HSPD1: variants seen among roughly 807,000 people sequenced by gnomAD.
HSPD1 encodes the protein 60 kDa heat shock protein, mitochondrial.
HSPD1 carries 3 observed loss-of-function variants against 53.0 expected under a neutral mutation model. The observed-to-expected ratio is 0.06, with a 90% CI of 0.03 to 0.15. The LOEUF (loss-of-function observed/expected upper bound fraction) is 0.15. Among genes scored for constraint, HSPD1 ranks in the 10% least tolerant of loss-of-function variants. HSPD1 has a pLI of 1.00. For synonymous variants in HSPD1, 200 were observed against 228.0 expected, an observed-to-expected ratio of 0.88 and a Z score of 1.10; for missense variants, 431 against 694.1, an observed-to-expected ratio of 0.62 and a Z score of 4.26.
intron 7 of HSPD1, among the ~76,000 whole-genome samples, chr2:197,492,052 G>A (rs1201271369): frequency 6.6e-6 from 1 of 152,236 alleles, no homozygotes; most frequent in African/African-American, 2.4e-5. Context: ...AGCTACTTGG[G>A]AGGCTGAGGC....
At chr2:197,487,725 G>A (rs866675618) in intron 11 of HSPD1, 133 bp downstream of exon 11, 1 of 716,110 alleles carries the variant, frequency 1.4e-6, no homozygotes, top group East Asian at 2.7e-5. Flanking sequence ...AATTGTTGAT[G>A]GGCACAAGAG....
chr2:197,500,255 A>G (rs1240788282), upstream of HSPD1: 4 of 752,484 alleles, frequency 5.3e-6, no homozygotes, highest in Non-Finnish European at 8.9e-6. Flanking sequence ...CTTGGGGCGA[A>G]TCGCGGTGCG....
chr2:197,498,619 G>C (rs966202262), intron 2 of HSPD1, 56 bp downstream of exon 2: 1 of 1,457,256 alleles, frequency 6.9e-7, no homozygotes, highest in African/African-American at 1.4e-5. Flanking sequence ...GCGACTATTT[G>C]TGAGTAAAAT....
chr2:197,493,558 G>T (rs921126569), intron 6 of HSPD1, 66 bp from the exon 7 acceptor site: 1 of 1,204,220 alleles, frequency 8.3e-7, no homozygotes, highest in Non-Finnish European at 1.2e-6. Flanking sequence ...AATGAAAAGC[G>T]AAACCAAGGT....
At chr2:197,499,014 T>C (rs1289945763) in intron 1 of HSPD1, 164 bp from the exon 2 acceptor site, 7 of 718,922 alleles carry the variant, frequency 9.7e-6, no homozygotes, top group South Asian at 9.6e-5. Flanking sequence ...CTTCGGAACA[T>C]CAGCCACTAG....
Position 197,498,577 on chromosome 2 carries a change from A to C in HSPD1, c.174+98T>G, listed in dbSNP as rs1235822438. The C allele has an allele frequency of 2.8e-6, 3 of 1,075,378 alleles. No individual in the cohort carries two copies. In the African/African-American group the frequency reaches 4.8e-5, roughly 17 times the overall value. The allele number at this position is 1,075,378 out of a possible 1,614,324, so 66.6% of individuals were successfully genotyped here. On this transcript the variant is annotated intron_variant, in intron 2 of 11. Coordinates refer to ENST00000388968, the MANE Select transcript of HSPD1 (RefSeq NM_002156.5). ...ACATGTAAACTGAGTTCTCTCAAAA[A>C]TGGAGATGAAAGTACTGTTGAATAG... is the stretch of plus-strand genomic sequence containing the variant.
At chr2:197,492,108 G>C (rs1424885590) in intron 7 of HSPD1, among the ~76,000 whole-genome samples, 2 of 152,242 alleles carry the variant, frequency 1.3e-5, no homozygotes, top group Non-Finnish European at 2.9e-5. Flanking sequence ...AGTGAGCTAT[G>C]ATCGTGCCGC....
intron 1 of HSPD1, chr2:197,499,099 A>G: frequency 1.8e-6 from 1 of 563,262 alleles, no homozygotes; most frequent in South Asian, 2.0e-5. Flanking sequence ...CTCCTTCCCC[A>G]CGGCCACCTA....
chr2:197,494,119 TA>T lies in HSPD1; in HGVS notation c.700+37del, dbSNP rs770399331. The stretch of plus-strand genomic sequence containing the variant: ...GAGAATGAGACTCTGTCTAAAATAA[TA>T]AAAATAATAATAATTCAGTTATTGA... On this transcript the variant is annotated intron_variant, in intron 6 of 11. Transcript: ENST00000388968. 4.2e-5 allele frequency: 41 copies of T among 972,834 alleles called. No homozygotes were observed. In the South Asian group the frequency reaches 5.4e-4, roughly 13 times the overall value. 60.3% of individuals were successfully genotyped at this position (972,834 alleles called of 1,614,324 possible). A position where few individuals can be genotyped will look rare whatever the true frequency, so the allele number is the denominator to read the frequency against.
At position 197,489,189 on chromosome 2, in the gene HSPD1, C is replaced by G; in HGVS notation, c.1028G>C (p.Gly343Ala). ...NLEDVQPHDL[G>A]KVGEVIVTKD... is the part of the protein sequence containing the mutation. ...GGTCACAATGACCTCTCCAACTTTTCCTAAGTCATGAGGCTGAACGTCTTC... is the reference window on the plus strand; with the variant it reads ...GGTCACAATGACCTCTCCAACTTTTGCTAAGTCATGAGGCTGAACGTCTTC... Residue 343 changes from glycine to alanine, a missense_variant, in exon 9 of 12, where the codon GGA becomes GCA. Around this residue, in one of 2 missense-constraint regions of HSPD1, gnomAD observed 386 missense variants for 657.6 expected, o/e 0.59. Transcript: ENST00000388968. The G allele has an allele frequency of 6.2e-7, 1 of 1,614,118 alleles. No homozygotes were observed. Among genetic ancestry groups the G allele is most frequent in the Non-Finnish European group, 8.5e-7 (1 of 1,179,962 alleles).
At position 197,489,188 on chromosome 2, in the gene HSPD1, T is replaced by C. The variant is rs1433866863; in HGVS notation, c.1029A>G (p.Gly343=). 3 of 1,614,134 alleles carry C rather than the reference T, an allele frequency of 1.9e-6. No individual in the cohort carries two copies. The highest frequency in any genetic ancestry group is 2.5e-6 in the Non-Finnish European group (3 of 1,179,956). Residue 343 remains glycine, a synonymous_variant, in exon 9 of 12, where the codon GGA becomes GGG. Transcript: ENST00000388968. ...TGGTCACAATGACCTCTCCAACTTT[T>C]CCTAAGTCATGAGGCTGAACGTCTT... ...NLEDVQPHDL[G]KVGEVIVTKD...
chr2:197,498,909 A>C, intron 1 of HSPD1, 59 bp from the exon 2 acceptor site: 2 of 1,471,882 alleles, frequency 1.4e-6, no homozygotes, highest in Non-Finnish European at 1.9e-6. Context: ...TGCAGAACAA[A>C]CATGCCCACC....
intron 11 of HSPD1, 151 bp downstream of exon 11, chr2:197,487,707 T>C: frequency 1.5e-6 from 1 of 683,682 alleles, no homozygotes. Context: ...GCTGGAAATG[T>C]ACATGAGAAT....
intron 2 of HSPD1, 125 bp from the exon 3 acceptor site, chr2:197,497,517 A>C: frequency 1.0e-6 from 1 of 974,930 alleles, no homozygotes; most frequent in South Asian, 1.4e-5. Flanking sequence ...CATTTTTATC[A>C]GTCTTGCAGC....
Position 197,487,998 on chromosome 2 carries a change from T to C in HSPD1, c.1429A>G (p.Met477Val), listed in dbSNP as rs771836446. 8.7e-6 allele frequency: 14 copies of C among 1,612,136 alleles called. No homozygotes were observed. The highest frequency in any genetic ancestry group is 3.3e-5 in the South Asian group (3 of 90,914). Reference sequence around the variant, plus strand: ...ACACCTGCATTCTTAGCAATGGTCATTGCTGGAATTTTGAGTGTTCTTTTA... The same window carrying C: ...ACACCTGCATTCTTAGCAATGGTCACTGCTGGAATTTTGAGTGTTCTTTTA... ...IIKRTLKIPA[M>V]TIAKNAGVEG... Residue 477 changes from methionine to valine, a missense_variant, in exon 11 of 12, where the codon ATG (methionine) becomes GTG (valine). Physicochemically the swap from Met to Val is conservative, Grantham distance 21. Transcript: ENST00000388968.
chr2:197,492,544 C>G (rs2086106172), intron 7 of HSPD1, among the ~76,000 whole-genome samples: 2 of 151,868 alleles, frequency 1.3e-5, no homozygotes, highest in South Asian at 4.2e-4. Flanking sequence ...AAATAATATT[C>G]TGAAAATTTA....
intron 9 of HSPD1, among the ~76,000 whole-genome samples, 176 bp from the exon 10 acceptor site, chr2:197,488,667 G>C (rs2086055037): frequency 6.6e-6 from 1 of 152,166 alleles, no homozygotes. Context: ...TCAGGAGTTT[G>C]AGACCAGCCT....
chr2:197,495,435 T>C (rs892261198), intron 3 of HSPD1, 59 bp from the exon 4 acceptor site: 5 of 1,161,284 alleles, frequency 4.3e-6, no homozygotes, highest in East Asian at 4.7e-5. Flanking sequence ...CTATGTCAAG[T>C]AGAAATCTTG....
At chr2:197,500,147 G>T, upstream of HSPD1, 1 of 534,810 alleles carries the variant, frequency 1.9e-6, no homozygotes, top group South Asian at 2.3e-5. Flanking sequence ...GGACGAAGGG[G>T]TAGTTCTTTC....
Sources: gnomAD v4.1 joint callset for allele counts (sites outside exome capture counted in the v4.1 genomes callset) on GRCh38, gnomAD v4.1.1 for gene constraint, gnomAD v4.1.1 regional missense constraint, MANE v1.5 for transcripts, NCBI Gene and HGNC (gene_info 2026-07-23, HGNC 2026-07-21) for gene names.